Variants in SKIC3 observed in about 807,000 individuals in gnomAD.
The protein encoded by SKIC3 is superkiller complex protein 3.
chr5:95,517,466 C>A, the SKIC3 span: 1 of 931,156 alleles, frequency 1.1e-6, no homozygotes, highest in Non-Finnish European at 1.6e-6. Context: ...TATCACCTCC[C>A]TAATAGGAAG....
At chr5:95,527,948 G>A in the SKIC3 span, 1 of 1,581,004 alleles carries the variant, frequency 6.3e-7, no homozygotes. Context: ...GGTAGGCAGA[G>A]AATGGTTGTT....
chr5:95,546,762 A>G, the SKIC3 span, among the ~76,000 whole-genome samples: 10 of 152,204 alleles, frequency 6.6e-5, no homozygotes, highest in Admixed American at 6.5e-4. Context: ...ACATGCCATT[A>G]AACAATGAAA....
At chr5:95,505,606 G>A in the SKIC3 span, among the ~76,000 whole-genome samples, 2 of 152,080 alleles carry the variant, frequency 1.3e-5, no homozygotes, top group Non-Finnish European at 2.9e-5. Flanking sequence ...GAGGTCAGGA[G>A]TTCGAGACCA....
At chr5:95,498,623 T>G in the SKIC3 span, 5 of 1,554,332 alleles carry the variant, frequency 3.2e-6, no homozygotes, top group East Asian at 1.2e-4. Context: ...ACCCATTAGT[T>G]AGTCTTTTTT....
the SKIC3 span, among the ~76,000 whole-genome samples, chr5:95,532,774 G>A: frequency 6.6e-6 from 1 of 151,988 alleles, no homozygotes; most frequent in East Asian, 1.9e-4. Flanking sequence ...CCAGATTTGG[G>A]GCTGATGAAT....
the SKIC3 span, among the ~76,000 whole-genome samples, chr5:95,536,299 T>A: frequency 6.6e-6 from 1 of 152,232 alleles, no homozygotes; most frequent in Non-Finnish European, 1.5e-5. Context: ...CATAACAGTG[T>A]TCTTATGACA....
At chr5:95,505,682 G>A in the SKIC3 span, among the ~76,000 whole-genome samples, 1 of 151,876 alleles carries the variant, frequency 6.6e-6, no homozygotes, top group Non-Finnish European at 1.5e-5. Flanking sequence ...GCGTGGTGGT[G>A]GGCACCTGTA....
the SKIC3 span, chr5:95,464,099 G>C: frequency 1.1e-4 from 18 of 157,110 alleles, no homozygotes; most frequent in Admixed American, 1.9e-4. Context: ...CAGAATTGGA[G>C]ATGAATCACT....
chr5:95,540,114 G>A, the SKIC3 span, among the ~76,000 whole-genome samples: 2 of 152,058 alleles, frequency 1.3e-5, no homozygotes, highest in East Asian at 3.9e-4. Context: ...GCTATAAAAA[G>A]GAATGAATTA....
chr5:95,551,731 T>C, the SKIC3 span, among the ~76,000 whole-genome samples: 2 of 152,108 alleles, frequency 1.3e-5, no homozygotes, highest in African/African-American at 4.8e-5. Context: ...TAGTTGAGAG[T>C]GAGCTTAGGA....
the SKIC3 span, chr5:95,541,388 C>A: frequency 1.2e-6 from 2 of 1,612,878 alleles, no homozygotes; most frequent in Non-Finnish European, 1.7e-6. Flanking sequence ...ACACTTAGAA[C>A]AAAACAAAAC....
the SKIC3 span, among the ~76,000 whole-genome samples, chr5:95,501,966 G>T: frequency 9.9e-5 from 15 of 152,230 alleles, 1 homozygote; most frequent in African/African-American, 3.6e-4. Flanking sequence ...AACCAGCAAA[G>T]AGGAAGAAAA....
At chr5:95,525,281 T>C in the SKIC3 span, 2 of 983,578 alleles carry the variant, frequency 2.0e-6, no homozygotes, top group Non-Finnish European at 3.2e-6. Context: ...ACTTAAAGCC[T>C]ACAAAGATCA....
chr5:95,550,020 T>C, the SKIC3 span, among the ~76,000 whole-genome samples: 10 of 151,970 alleles, frequency 6.6e-5, no homozygotes, highest in African/African-American at 2.4e-4. Flanking sequence ...ACAATATAAC[T>C]CCCTATTAAT....
At chr5:95,481,839 T>C in the SKIC3 span, among the ~76,000 whole-genome samples, 3 of 152,156 alleles carry the variant, frequency 2.0e-5, no homozygotes, top group Non-Finnish European at 2.9e-5. Context: ...AAAAAACAAA[T>C]TATAGTAAGA....
At chr5:95,490,396 G>T in the SKIC3 span, among the ~76,000 whole-genome samples, 5 of 144,830 alleles carry the variant, frequency 3.5e-5, no homozygotes, top group Admixed American at 3.4e-4. Flanking sequence ...GATTTTTAAT[G>T]AATATATATA....
the SKIC3 span, chr5:95,495,071 G>C: frequency 1.3e-6 from 2 of 1,579,530 alleles, no homozygotes; most frequent in Non-Finnish European, 1.7e-6. Context: ...TCATGAAAAA[G>C]AAAAAATTAA....
the SKIC3 span, among the ~76,000 whole-genome samples, chr5:95,508,385 T>C: frequency 6.6e-6 from 1 of 152,242 alleles, no homozygotes. Context: ...TAGAAATTTA[T>C]GTAGATTTCA....
At chr5:95,522,839 T>C in the SKIC3 span, among the ~76,000 whole-genome samples, 1 of 152,198 alleles carries the variant, frequency 6.6e-6, no homozygotes, top group African/African-American at 2.4e-5. Context: ...AAATTGATCA[T>C]ATATGAGCTG....
Sources: gnomAD v4.1 joint callset for allele counts (sites outside exome capture counted in the v4.1 genomes callset) on GRCh38, gnomAD v4.1.1 for gene constraint, MANE v1.5 for transcripts, NCBI Gene and HGNC (gene_info 2026-07-23, HGNC 2026-07-21) for gene names.